TMC1: variants seen among roughly 807,000 people sequenced by gnomAD.
The protein encoded by TMC1 is transmembrane channel-like protein 1.
A neutral mutation model predicts 105.8 loss-of-function variants in TMC1; 84 were observed. That is an observed-to-expected ratio of 0.79 (90% CI 0.67 to 0.95). The LOEUF (loss-of-function observed/expected upper bound fraction) is 0.95, where lower values mean the gene tolerates loss of function less well. Among genes scored for constraint, TMC1 ranks in the 40% least tolerant of loss-of-function variants. The pLI is 0.00. For missense variants in TMC1, 817 were observed against 914.1 expected (o/e 0.89, Z 1.37); for synonymous variants, 315 against 311.5 (o/e 1.01, Z -0.12).
Position 72,566,560 on chromosome 9 carries a change from C to T in TMC1, c.-427-11342C>T, listed in dbSNP as rs1011996037. ...GACCACAGAGGTTCAGAGAACAGGCCCTTTGTGGAAAGGGGGAGACCAAAT... is the reference window on the plus strand; with the variant it reads ...GACCACAGAGGTTCAGAGAACAGGCTCTTTGTGGAAAGGGGGAGACCAAAT... On this transcript the variant is annotated intron_variant, in intron 1 of 23. Transcript: ENST00000297784. Among the ~76,000 whole-genome samples the T allele has an allele frequency of 4.6e-5, 7 of 152,090 alleles. No homozygotes were observed. The East Asian group carries it at 1.4e-3, about 29-fold the overall frequency.
chr9:72,609,216 C>CCTTCCTTG (rs1189923014), intron 2 of TMC1, among the ~76,000 whole-genome samples: 1 of 149,412 alleles, frequency 6.7e-6, no homozygotes, highest in Admixed American at 7.1e-5. Context: ...TTCCTTCCTT[C>CCTTCCTTG]CTTCCTTCCT....
intron 4 of TMC1, among the ~76,000 whole-genome samples, chr9:72,640,775 G>A (rs2132143501): frequency 6.6e-6 from 1 of 151,814 alleles, no homozygotes; most frequent in Admixed American, 6.6e-5. Context: ...GGGACTACAG[G>A]CGCCCGCCAC....
intron 1 of TMC1, among the ~76,000 whole-genome samples, chr9:72,522,961 G>GT (rs1165618093): frequency 6.6e-6 from 1 of 152,194 alleles, no homozygotes; most frequent in Non-Finnish European, 1.5e-5. Context: ...GTAGATGACA[G>GT]TATCAACCCC....
chr9:72,685,786 A>G (rs1425533334), intron 5 of TMC1, among the ~76,000 whole-genome samples: 2 of 152,196 alleles, frequency 1.3e-5, no homozygotes, highest in Non-Finnish European at 2.9e-5. Flanking sequence ...CACACAATAA[A>G]TGGTAATTCA....
chr9:72,635,050 A>T (rs945153835), intron 4 of TMC1, among the ~76,000 whole-genome samples: 1 of 152,150 alleles, frequency 6.6e-6, no homozygotes, highest in East Asian at 1.9e-4. Context: ...TGAGGTCAGC[A>T]GTTTAAGACC....
chr9:72,527,773 A>G (rs1431911544), intron 1 of TMC1, among the ~76,000 whole-genome samples: 1 of 152,196 alleles, frequency 6.6e-6, no homozygotes, highest in Non-Finnish European at 1.5e-5. Flanking sequence ...CTCACGGTGC[A>G]AGGGGAAGGG....
chr9:72,830,738 C>CTTTTTTTTTTTTTTTTT (rs71495342), intron 23 of TMC1, 56 bp downstream of exon 23: 162 of 1,147,814 alleles, frequency 1.4e-4, no homozygotes, highest in African/African-American at 3.3e-4. Context: ...CTTTTTCTTT[C>CTTTTTTTTTTTTTTTTT]TTTTTTTTTT....
chr9:72,819,123 C>G (rs1187447367), intron 19 of TMC1, among the ~76,000 whole-genome samples: 1 of 152,136 alleles, frequency 6.6e-6, no homozygotes, highest in Non-Finnish European at 1.5e-5. Context: ...GGAAGAAGAG[C>G]TTTGCTCTTA....
At chr9:72,747,385 G>A (rs1251596907) in intron 10 of TMC1, among the ~76,000 whole-genome samples, 1 of 152,050 alleles carries the variant, frequency 6.6e-6, no homozygotes, top group African/African-American at 2.4e-5. Context: ...TTATCTGCTT[G>A]TCTTATTACC....
At chr9:72,628,736 A>T (rs1825396753) in intron 4 of TMC1, among the ~76,000 whole-genome samples, 1 of 152,234 alleles carries the variant, frequency 6.6e-6, no homozygotes, top group Non-Finnish European at 1.5e-5. Flanking sequence ...AACAAAAAAA[A>T]TTAGGTACCA....
chr9:72,738,832 C>T (rs149061725), intron 8 of TMC1, among the ~76,000 whole-genome samples: 1 of 152,044 alleles, frequency 6.6e-6, no homozygotes, highest in Non-Finnish European at 1.5e-5. Flanking sequence ...CAACTGAGGA[C>T]AGCATTGCAC....
intron 8 of TMC1, among the ~76,000 whole-genome samples, chr9:72,734,707 C>T (rs1322435697): frequency 3.9e-5 from 6 of 152,114 alleles, no homozygotes; most frequent in Admixed American, 1.3e-4. Flanking sequence ...TTTCATTCTT[C>T]TGGTCCCTTC....
chr9:72,604,866 A>G (rs1587983988), intron 2 of TMC1, among the ~76,000 whole-genome samples: 1 of 152,344 alleles, frequency 6.6e-6, no homozygotes, highest in African/African-American at 2.4e-5. Context: ...TTTCCATTTC[A>G]TGAGGAACAT....
At chr9:72,657,271 G>T (rs1232649618) in intron 5 of TMC1, among the ~76,000 whole-genome samples, 2 of 152,164 alleles carry the variant, frequency 1.3e-5, no homozygotes, top group Non-Finnish European at 2.9e-5. Context: ...CAGGCAAAAA[G>T]ATCAGGCAAC....
chr9:72,525,258 C>T (rs926332809), intron 1 of TMC1, among the ~76,000 whole-genome samples: 1 of 152,160 alleles, frequency 6.6e-6, no homozygotes, highest in Non-Finnish European at 1.5e-5. Flanking sequence ...AAAAATGAGT[C>T]ATACCTATTC....
chr9:72,570,676 C>CTTTT lies in TMC1; in HGVS notation c.-427-7199_-427-7196dup, dbSNP rs529953890. Among the ~76,000 whole-genome samples, 34 of 75,646 alleles carry CTTTT rather than the reference C, an allele frequency of 4.5e-4. 2 individuals are homozygous for CTTTT. The highest frequency in any genetic ancestry group is 5.9e-4 in the Admixed American group (3 of 5,122). 49.6% of individuals were successfully genotyped at this position (75,646 alleles called of 152,430 possible). A position where few individuals can be genotyped will look rare whatever the true frequency, so the allele number is the denominator to read the frequency against. On this transcript the variant is annotated intron_variant, in intron 1 of 23. Transcript: ENST00000297784. ...AGAAATCTACACTTTGCCAAATTTC[C>CTTTT]TTTTTTTTTTTTTTTTTTTTTTTTT...
intron 10 of TMC1, among the ~76,000 whole-genome samples, chr9:72,744,959 T>A (rs1827464939): frequency 6.6e-6 from 1 of 152,190 alleles, no homozygotes; most frequent in Non-Finnish European, 1.5e-5. Context: ...TAACCTTCAG[T>A]TATCTCCTCT....
chr9:72,741,715 G>C lies in TMC1; in HGVS notation c.454-729G>C, dbSNP rs147842631. 814 of 152,800 alleles carry C rather than the reference G, an allele frequency of 5.3e-3. 2 individuals carry two copies. Among genetic ancestry groups the C allele is most frequent in the Middle Eastern group, 0.017 (5 of 296 alleles). The allele number at this position is 152,800 out of a possible 1,614,324, so 9.5% of individuals were successfully genotyped here. Reference sequence around the variant, plus strand: ...CTCATGCTATTATTTAGACAATAGTGCCTGTCCAGCTCCCACTTCATCCCA... The same window carrying C: ...CTCATGCTATTATTTAGACAATAGTCCCTGTCCAGCTCCCACTTCATCCCA... On this transcript the variant is annotated intron_variant, in intron 9 of 23. Transcript: ENST00000297784.
chr9:72,535,395 C>T (rs1025264106), intron 1 of TMC1, among the ~76,000 whole-genome samples: 8 of 152,178 alleles, frequency 5.3e-5, no homozygotes, highest in Non-Finnish European at 1.2e-4. Flanking sequence ...CCTACATGTC[C>T]TCTTCCCTTG....
Sources: gnomAD v4.1 joint callset for allele counts (sites outside exome capture counted in the v4.1 genomes callset) on GRCh38, gnomAD v4.1.1 for gene constraint, MANE v1.5 for transcripts, NCBI Gene and HGNC (gene_info 2026-07-23, HGNC 2026-07-21) for gene names.